Variants in NCOR2 observed in about 807,000 individuals in gnomAD.
NCOR2 encodes nuclear receptor corepressor 2, also known as CTG repeat protein 26.
NCOR2 carries 81 observed loss-of-function variants against 262.9 expected under a neutral mutation model. The observed-to-expected ratio is 0.31, with a 90% CI of 0.26 to 0.37. The LOEUF (loss-of-function observed/expected upper bound fraction) is 0.37. NCOR2 is among the 10% of genes least tolerant of loss of function. The pLI is 1.00. For synonymous variants in NCOR2, 1,659 were observed against 1,559.3 expected, an observed-to-expected ratio of 1.06 and a Z score of -1.51; for missense variants, 3,385 against 3,621.4, an observed-to-expected ratio of 0.93 and a Z score of 1.68.
intron 1 of NCOR2, among the ~76,000 whole-genome samples, chr12:124,546,982 A>C (rs2051564425): frequency 6.6e-6 from 1 of 151,830 alleles, no homozygotes; most frequent in Non-Finnish European, 1.5e-5. Context: ...TCTTTTTATA[A>C]TATTTTATTT....
In NCOR2 at chr12:124,398,318, G is replaced by C; in HGVS notation, c.1814-137C>G. The C allele has an allele frequency of 3.4e-6, 3 of 882,716 alleles. No individual in the cohort carries two copies. The South Asian group carries it at 4.4e-5, about 13-fold the overall frequency. The allele number at this position is 882,716 out of a possible 1,614,324, so 54.7% of individuals were successfully genotyped here. Reference sequence around the variant, plus strand: ...CACCGCACGGCTCTGAACCCCGTGGGAAGGCCACATTTCAGACGCCCCTCC... The same window carrying C: ...CACCGCACGGCTCTGAACCCCGTGGCAAGGCCACATTTCAGACGCCCCTCC... On this transcript the variant is annotated intron_variant, in intron 15 of 46. Coordinates refer to ENST00000405201, the Ensembl canonical transcript of NCOR2.
intron 1 of NCOR2, among the ~76,000 whole-genome samples, chr12:124,530,703 C>T (rs2050729029): frequency 6.6e-6 from 1 of 152,212 alleles, no homozygotes; most frequent in South Asian, 2.1e-4. Flanking sequence ...GGGCAAATCG[C>T]TTTGCCTCTC....
chr12:124,332,986 G>A lies in NCOR2; in HGVS notation c.6755+144C>T, dbSNP rs182487637. On this transcript the variant is annotated intron_variant, in intron 42 of 46. Transcript: ENST00000405201. Reference sequence around the variant, plus strand: ...GCATGTATCACACCCCCAAGTTGGTGAAACCTGCTTGGCAGGCTTGAGGTC... The same window carrying A: ...GCATGTATCACACCCCCAAGTTGGTAAAACCTGCTTGGCAGGCTTGAGGTC... 81 of 1,149,356 alleles carry A rather than the reference G, an allele frequency of 7.0e-5. No individual in the cohort carries two copies. The African/African-American group carries it at 1.1e-3, about 16-fold the overall frequency. The allele number at this position is 1,149,356 out of a possible 1,614,324, so 71.2% of individuals were successfully genotyped here. A position where few individuals can be genotyped will look rare whatever the true frequency, so the allele number is the denominator to read the frequency against.
In NCOR2 at chr12:124,440,423, G is replaced by A. The variant is rs11829534; in HGVS notation, c.816-2427C>T. Reference sequence around the variant, plus strand: ...CCCACCTTCCATCAGTCTGGCCGCCGCCCCCCGGCCAGGGTGGGCCATGGG... The same window carrying A: ...CCCACCTTCCATCAGTCTGGCCGCCACCCCCCGGCCAGGGTGGGCCATGGG... On this transcript the variant is annotated intron_variant, in intron 7 of 46. Coordinates refer to ENST00000405201, the Ensembl canonical transcript of NCOR2. The surrounding 1 kb of genome is among the most constrained non-coding windows in gnomAD (Gnocchi z 5.7). Among the ~76,000 whole-genome samples the A allele has an allele frequency of 0.019, 2,947 of 152,190 alleles. 104 individuals carry two copies. The highest frequency in any genetic ancestry group is 0.067 in the African/African-American group (2,794 of 41,534).
At chr12:124,405,132 C>T (rs1234363771) in intron 13 of NCOR2, among the ~76,000 whole-genome samples, 1 of 152,182 alleles carries the variant, frequency 6.6e-6, no homozygotes, top group Non-Finnish European at 1.5e-5. Flanking sequence ...CCAGACTCTA[C>T]AAGCCCCGCC....
intron 16 of NCOR2, chr12:124,388,676 C>G (rs1056226424): frequency 7.7e-7 from 1 of 1,304,388 alleles, no homozygotes; most frequent in African/African-American, 1.5e-5. Context: ...CCCAGGACCA[C>G]TCACTCACAT....
rs181373686 is a variant in NCOR2, at chr12:124,355,335, C to T, written c.3381+97G>A. 219 of 1,462,786 alleles carry T rather than the reference C, an allele frequency of 1.5e-4. 1 individual carries two copies. Among genetic ancestry groups the T allele is most frequent in the African/African-American group, 1.8e-4 (13 of 71,158 alleles). 90.6% of individuals were successfully genotyped at this position (1,462,786 alleles called of 1,614,324 possible). A position where few individuals can be genotyped will look rare whatever the true frequency, so the allele number is the denominator to read the frequency against. On this transcript the variant is annotated intron_variant, in intron 24 of 46. Coordinates refer to ENST00000405201, the Ensembl canonical transcript of NCOR2. ...CCTGAGTGGAGATGACCCAGGCCCC[C>T]GAGAGCCTGGCCCCCACTCAGACTT...
chr12:124,522,001 A>G (rs547272372), intron 1 of NCOR2, among the ~76,000 whole-genome samples: 3 of 152,288 alleles, frequency 2.0e-5, no homozygotes, highest in Admixed American at 1.3e-4. Flanking sequence ...TGGGCAACAG[A>G]GCAAGGCCGC....
rs536030075 is a variant in NCOR2, at chr12:124,495,010, G to A, written c.105+137C>T. 9.7e-7 allele frequency: 1 copy of A among 1,031,066 alleles called. No homozygotes were observed. The highest frequency in any genetic ancestry group is 1.6e-5 in the South Asian group (1 of 60,634). The allele number at this position is 1,031,066 out of a possible 1,614,324, so 63.9% of individuals were successfully genotyped here. ...GGCTTCAGACACCAGGGGTCTCTGTGGCGGCCTCCCCTCTGCCCTGGGAGG... is the reference window on the plus strand; with the variant it reads ...GGCTTCAGACACCAGGGGTCTCTGTAGCGGCCTCCCCTCTGCCCTGGGAGG... On this transcript the variant is annotated intron_variant, in intron 1 of 46. Coordinates refer to ENST00000405201, the Ensembl canonical transcript of NCOR2. The surrounding 1 kb of genome is among the most constrained non-coding windows in gnomAD (Gnocchi z 4.4).
chr12:124,566,863 G>A lies in NCOR2; in HGVS notation c.-165+445C>T, dbSNP rs2052259568. 2.0e-5 allele frequency among the ~76,000 whole-genome samples: 3 copies of A among 152,326 alleles called. No individual in the cohort carries two copies. The South Asian group carries it at 6.2e-4, about 32-fold the overall frequency. ...CGCCCCTCCACAACAGCCAGGCCAGGGAGCTAGGGGTACCATCTCCAAGGG... is the reference window on the plus strand; with the variant it reads ...CGCCCCTCCACAACAGCCAGGCCAGAGAGCTAGGGGTACCATCTCCAAGGG... On this transcript the variant is annotated intron_variant, in intron 1 of 32. Transcript: ENST00000458234. The surrounding 1 kb of genome is among the most constrained non-coding windows in gnomAD (Gnocchi z 4.3).
intron 1 of NCOR2, among the ~76,000 whole-genome samples, chr12:124,516,343 G>A (rs1042397408): frequency 2.6e-5 from 4 of 152,188 alleles, no homozygotes; most frequent in Non-Finnish European, 5.9e-5. Flanking sequence ...GCACGGAGGG[G>A]CTCAGGCTGA....
At chr12:124,476,803 A>G (rs1334982432) in intron 3 of NCOR2, among the ~76,000 whole-genome samples, 2 of 151,998 alleles carry the variant, frequency 1.3e-5, no homozygotes, top group African/African-American at 4.8e-5. Context: ...TATCCATACA[A>G]GCAATGTGAA....
chr12:124,422,145 C>T (rs990209671), intron 12 of NCOR2, among the ~76,000 whole-genome samples: 3 of 152,242 alleles, frequency 2.0e-5, no homozygotes, highest in African/African-American at 7.2e-5. Context: ...CCAGAATCCA[C>T]CCCCAGTTTG....
chr12:124,396,689 A>G (rs546219445), intron 16 of NCOR2, among the ~76,000 whole-genome samples: 1 of 152,062 alleles, frequency 6.6e-6, no homozygotes, highest in Non-Finnish European at 1.5e-5. Flanking sequence ...CGGAGGGCAG[A>G]CTGCCCCCGG....
chr12:124,389,999 C>T lies in NCOR2; in HGVS notation c.1877-4112G>A, dbSNP rs960642533. Among the ~76,000 whole-genome samples, 1 of 152,140 alleles carries T rather than the reference C, an allele frequency of 6.6e-6. No individual in the cohort carries two copies. Among genetic ancestry groups the T allele is most frequent in the East Asian group, 1.9e-4 (1 of 5,180 alleles). ...ACCTGCTTTTCCCTTTAACTCCCAG[C>T]CCTTCCATCCTGCCCCCTAAAAATC... On this transcript the variant is annotated intron_variant, in intron 16 of 46. Coordinates refer to ENST00000405201, the Ensembl canonical transcript of NCOR2. The surrounding 1 kb of genome is among the most constrained non-coding windows in gnomAD (Gnocchi z 4.4).
At chr12:124,329,585 A>G (rs2035005989) in intron 44 of NCOR2, among the ~76,000 whole-genome samples, 1 of 152,158 alleles carries the variant, frequency 6.6e-6, no homozygotes, top group Non-Finnish European at 1.5e-5. Flanking sequence ...TACAAAAAAG[A>G]TAAAAAATTA....
chr12:124,437,575 CCCACCCTGATCCT>C (rs1355479224), intron 8 of NCOR2, among the ~76,000 whole-genome samples: 1 of 152,208 alleles, frequency 6.6e-6, no homozygotes. Context: ...CGGCACACAG[CCCACCCTGATCCT>C]CCACCTCTCT....
chr12:124,378,511 C>T lies in NCOR2; in HGVS notation c.2020-127G>A, dbSNP rs913530421. ...CCGGCCATGTAGCAATGAGGGTGAC[C>T]GTCCCCCTCACACCCCACCTCGGCA... On this transcript the variant is annotated intron_variant, in intron 17 of 46. Transcript: ENST00000405201. This position sits in a 1 kb window ranked among gnomAD's most constrained non-coding sequence, Gnocchi z 4.2. 8 of 972,954 alleles carry T rather than the reference C, an allele frequency of 8.2e-6. No individual in the cohort carries two copies. Among genetic ancestry groups the T allele is most frequent in the South Asian group, 6.9e-5 (4 of 57,992 alleles). 60.3% of individuals were successfully genotyped at this position (972,954 alleles called of 1,614,324 possible).
At chr12:124,382,795 T>C (rs1416819536) in intron 17 of NCOR2, among the ~76,000 whole-genome samples, 3 of 152,214 alleles carry the variant, frequency 2.0e-5, no homozygotes, top group Non-Finnish European at 2.9e-5. Flanking sequence ...ACTGAATGCT[T>C]ATTGAGGGCT....
Sources: allele counts gnomAD v4.1 joint callset (sites outside exome capture counted in the v4.1 genomes callset), GRCh38; gene constraint gnomAD v4.1.1; non-coding constraint Gnocchi (gnomAD v3.1); transcripts MANE v1.5; gene names NCBI Gene and HGNC (gene_info 2026-07-23, HGNC 2026-07-21).